Variants in EML6 observed in about 807,000 individuals in gnomAD.
EML6 encodes the protein EMAP like 6.
In EML6, 154 loss-of-function variants were observed where a neutral mutation model predicts 240.1. That is an observed-to-expected ratio of 0.64 (90% CI 0.56 to 0.73). The LOEUF (loss-of-function observed/expected upper bound fraction) is 0.73. Among genes scored for constraint, EML6 ranks in the 30% least tolerant of loss-of-function variants. The pLI is 0.00. For synonymous variants in EML6, 1,148 were observed against 899.0 expected, an observed-to-expected ratio of 1.28 and a Z score of -4.95; for missense variants, 2,964 against 2,474.6, an observed-to-expected ratio of 1.20 and a Z score of -4.20.
intron 36 of EML6, among the ~76,000 whole-genome samples, chr2:54,963,386 A>G (rs756375021): frequency 2.6e-5 from 4 of 152,248 alleles, no homozygotes; most frequent in African/African-American, 4.8e-5. Context: ...GACTAACTAC[A>G]TAACACCAGC....
At chr2:54,818,790 T>G (rs1421842054) in intron 4 of EML6, among the ~76,000 whole-genome samples, 1 of 152,166 alleles carries the variant, frequency 6.6e-6, no homozygotes, top group African/African-American at 2.4e-5. Context: ...AATGAAATGC[T>G]TTATTTGGAA....
intron 2 of EML6, among the ~76,000 whole-genome samples, chr2:54,731,484 T>TA (rs1004178143): frequency 2.0e-5 from 3 of 151,966 alleles, no homozygotes; most frequent in South Asian, 2.1e-4. Context: ...TACAAAAAAT[T>TA]AAAAAATTTA....
intron 2 of EML6, among the ~76,000 whole-genome samples, chr2:54,770,305 G>A (rs116197149): frequency 6.6e-6 from 1 of 152,332 alleles, no homozygotes; most frequent in African/African-American, 2.4e-5. Flanking sequence ...ACAGGTGTAA[G>A]CTGGGACCGT....
At chr2:54,773,029 G>C (rs1253060909) in intron 2 of EML6, among the ~76,000 whole-genome samples, 1 of 152,258 alleles carries the variant, frequency 6.6e-6, no homozygotes, top group Non-Finnish European at 1.5e-5. Context: ...ATGTCCGAAA[G>C]TGACTGGATC....
In EML6 at chr2:54,844,236, A is replaced by T; in HGVS notation, c.1037A>T (p.Asp346Val). The T allele has an allele frequency of 6.4e-7, 1 of 1,551,458 alleles. No homozygotes were observed. Among genetic ancestry groups the T allele is most frequent in the Non-Finnish European group, 8.7e-7 (1 of 1,146,804 alleles). ...CCTCTGGCTGTGACAGGCAGCGATG[A>T]CCGCTCTGTCAGGTGAGGCCCTACC... is the stretch of plus-strand genomic sequence containing the variant. ...KKPLAVTGSD[D>V]RSVRLWSLAD... The change falls in exon 8 of 42, where the codon GAC becomes GTC. Residue 346 changes from aspartate (D) to valine (V), a missense_variant. Transcript: ENST00000356458.
intron 2 of EML6, among the ~76,000 whole-genome samples, chr2:54,790,591 A>T (rs1669381787): frequency 6.6e-6 from 1 of 152,134 alleles, no homozygotes; most frequent in Non-Finnish European, 1.5e-5. Flanking sequence ...CCTACATTTT[A>T]ATAGACTTAG....
At chr2:54,750,593 C>T in intron 2 of EML6, among the ~76,000 whole-genome samples, 1 of 152,210 alleles carries the variant, frequency 6.6e-6, no homozygotes, top group Non-Finnish European at 1.5e-5. Flanking sequence ...CTTTCTCCAT[C>T]TCTTGGCTGT....
intron 35 of EML6, among the ~76,000 whole-genome samples, chr2:54,960,782 C>A (rs1676460117): frequency 6.6e-6 from 1 of 152,088 alleles, no homozygotes; most frequent in African/African-American, 2.4e-5. Flanking sequence ...CCATTGGTTT[C>A]CAACTCATAT....
At chr2:54,821,341 T>A (rs1207988644) in intron 5 of EML6, among the ~76,000 whole-genome samples, 2 of 152,126 alleles carry the variant, frequency 1.3e-5, no homozygotes, top group African/African-American at 2.4e-5. Flanking sequence ...ATAAGAAATA[T>A]GGAAGACTTA....
chr2:54,793,678 G>GAAAC (rs1669595081), intron 2 of EML6, among the ~76,000 whole-genome samples: 1 of 152,104 alleles, frequency 6.6e-6, no homozygotes, highest in African/African-American at 2.4e-5. Flanking sequence ...GTCCCTGTAG[G>GAAAC]AAACATTGGC....
rs1256458992 is a variant in EML6, at chr2:54,850,028, A to G, written c.1254A>G (p.Pro418=). The G allele has an allele frequency of 6.4e-7, 1 of 1,551,626 alleles. No homozygotes were observed. The highest frequency in any genetic ancestry group is 8.7e-7 in the Non-Finnish European group (1 of 1,146,904). ...KEVIHEMKFS[P]DGSYLAVGSN... is the part of the protein sequence containing the mutation. ...TCATTCATGAAATGAAATTTTCTCC[A>G]GATGGTTCTTACCTTGCAGTGGGAT... The change falls in exon 10 of 42, where the codon CCA becomes CCG. Residue 418 remains proline (P), a synonymous_variant. Transcript: ENST00000356458.
At chr2:54,784,693 T>C (rs1669001309) in intron 2 of EML6, among the ~76,000 whole-genome samples, 1 of 152,248 alleles carries the variant, frequency 6.6e-6, no homozygotes, top group African/African-American at 2.4e-5. Context: ...TATACTGTAT[T>C]CTTTTTTTTT....
intron 8 of EML6, among the ~76,000 whole-genome samples, chr2:54,846,587 TA>T (rs1387115505): frequency 1.8e-4 from 27 of 151,644 alleles, no homozygotes; most frequent in African/African-American, 6.3e-4. Context: ...AGGCTCAAGC[TA>T]TCCTCCTACC....
chr2:54,872,112 A>C (rs376286351), intron 16 of EML6, among the ~76,000 whole-genome samples: 3 of 152,230 alleles, frequency 2.0e-5, no homozygotes, highest in Non-Finnish European at 2.9e-5. Flanking sequence ...TTTATATCGA[A>C]AAAATAGAAC....
chr2:54,911,026 T>C lies in EML6; in HGVS notation c.3482T>C (p.Ile1161Thr), dbSNP rs368619312. ...FFEAPRGKRH[I>T]IRPSEIEKIE... ...GAAGCTCCAAGAGGCAAACGGCATA[T>C]AATAAGACCTTCAGAGGTAATAATC... The change falls in exon 25 of 42, where the codon ATA (isoleucine) becomes ACA (threonine). Residue 1161 changes from isoleucine to threonine, a missense_variant. Transcript: ENST00000356458. 69 of 1,522,062 alleles carry C rather than the reference T, an allele frequency of 4.5e-5. No homozygotes were observed. In the African/African-American group the frequency reaches 8.4e-4, roughly 19 times the overall value. The allele number at this position is 1,522,062 out of a possible 1,614,324, so 94.3% of individuals were successfully genotyped here. A position where few individuals can be genotyped will look rare whatever the true frequency, so the allele number is the denominator to read the frequency against.
chr2:54,888,888 A>G (rs1672302744), intron 17 of EML6, among the ~76,000 whole-genome samples: 1 of 152,206 alleles, frequency 6.6e-6, no homozygotes, highest in African/African-American at 2.4e-5. Flanking sequence ...AAGGAATGTA[A>G]TTGCTGGTCG....
chr2:54,910,829 ATGTATTTACTCAATT>A (rs1327079597), intron 24 of EML6, 110 bp from the exon 25 acceptor site: 1 of 562,640 alleles, frequency 1.8e-6, no homozygotes, highest in African/African-American at 1.9e-5. Context: ...ATAATTCAAA[ATGTATTTACTCAATT>A]TGTGAGACTT....
At chr2:54,828,972 T>C (rs1055719713) in intron 6 of EML6, among the ~76,000 whole-genome samples, 18 of 152,222 alleles carry the variant, frequency 1.2e-4, no homozygotes, top group African/African-American at 4.3e-4. Flanking sequence ...ACTTAATTAT[T>C]TTAGGCAGCA....
At chr2:54,855,390 G>A (rs908182344) in intron 11 of EML6, among the ~76,000 whole-genome samples, 2 of 152,048 alleles carry the variant, frequency 1.3e-5, no homozygotes, top group African/African-American at 4.8e-5. Flanking sequence ...TTTTAGGACA[G>A]CACCAAGAGG....
Sources: gnomAD v4.1 joint callset for allele counts (sites outside exome capture counted in the v4.1 genomes callset) on GRCh38, gnomAD v4.1.1 for gene constraint, MANE v1.5 for transcripts, NCBI Gene and HGNC (gene_info 2026-07-23, HGNC 2026-07-21) for gene names.